ATP2B2: variants seen among roughly 807,000 people sequenced by gnomAD.
The protein encoded by ATP2B2 is ATPase plasma membrane Ca2+ transporting 2, also known as plasma membrane calcium-transporting ATPase 2.
ATP2B2 carries 15 observed loss-of-function variants against 120.0 expected under a neutral mutation model. That is an observed-to-expected ratio of 0.12 (90% CI 0.08 to 0.19). The LOEUF (loss-of-function observed/expected upper bound fraction) is 0.19, where lower values mean the gene tolerates loss of function less well. Ranked by LOEUF, ATP2B2 falls within the 10% of genes least tolerant of loss-of-function variation. ATP2B2 has a pLI of 1.00. For missense variants in ATP2B2, 1,045 were observed against 1,719.8 expected (o/e 0.61, Z 6.94); for synonymous variants, 694 against 700.3 (o/e 0.99, Z 0.14).
intron 2 of ATP2B2, among the ~76,000 whole-genome samples, chr3:10,605,957 T>A (rs2069053848): frequency 6.6e-6 from 1 of 151,588 alleles, no homozygotes; most frequent in Non-Finnish European, 1.5e-5. Flanking sequence ...CCCTCTACAT[T>A]TTTTTTTAAA....
At chr3:10,487,020 G>A (rs35720796) in intron 1 of ATP2B2, among the ~76,000 whole-genome samples, 12,647 of 152,150 alleles carry the variant, frequency 0.083, 654 homozygotes, top group Middle Eastern at 0.17. Flanking sequence ...GAGCCATTGC[G>A]CCCAGCCCCA....
chr3:10,384,644 C>T (rs780812762), intron 8 of ATP2B2, among the ~76,000 whole-genome samples: 8 of 152,174 alleles, frequency 5.3e-5, no homozygotes, highest in Non-Finnish European at 1.0e-4. Flanking sequence ...ACAAACGCTC[C>T]AGCACAGGCA....
At chr3:10,369,869 C>T (rs4684685) in intron 12 of ATP2B2, among the ~76,000 whole-genome samples, 93,102 of 152,046 alleles carry the variant, frequency 0.61, 29,334 homozygotes, top group East Asian at 0.99. Context: ...CCCACATCGA[C>T]GGCTGTCAGC....
chr3:10,451,750 G>A (rs714737), intron 1 of ATP2B2, among the ~76,000 whole-genome samples: 28,099 of 152,144 alleles, frequency 0.18, 2,831 homozygotes, highest in Admixed American at 0.26. Flanking sequence ...ACTCAAAAGA[G>A]GCCATGTTCC....
chr3:10,654,449 C>G (rs560158481), intron 1 of ATP2B2, among the ~76,000 whole-genome samples: 1 of 151,984 alleles, frequency 6.6e-6, no homozygotes, highest in East Asian at 1.9e-4. Context: ...GCTGAGCATC[C>G]GAGTGGATGA....
intron 2 of ATP2B2, among the ~76,000 whole-genome samples, chr3:10,563,679 A>G (rs1044416632): frequency 3.3e-5 from 5 of 152,262 alleles, no homozygotes; most frequent in African/African-American, 1.2e-4. Flanking sequence ...CTGAGCACCC[A>G]GTACTGTGCA....
chr3:10,434,249 G>A (rs927232635), intron 2 of ATP2B2, among the ~76,000 whole-genome samples: 9 of 152,206 alleles, frequency 5.9e-5, no homozygotes, highest in Non-Finnish European at 7.3e-5. Context: ...ATTAGCAGAC[G>A]GGGGAAAGAT....
chr3:10,415,357 G>C (rs1490908452), intron 2 of ATP2B2, among the ~76,000 whole-genome samples: 1 of 152,180 alleles, frequency 6.6e-6, no homozygotes, highest in African/African-American at 2.4e-5. Context: ...GGAAGACTTT[G>C]AACTGGCAGG....
At chr3:10,524,317 T>G (rs1397476056) in intron 3 of ATP2B2, among the ~76,000 whole-genome samples, 3 of 152,194 alleles carry the variant, frequency 2.0e-5, no homozygotes, top group Non-Finnish European at 4.4e-5. Flanking sequence ...CAGGTACAAT[T>G]CTAAGCACTA....
At chr3:10,595,961 A>C (rs530378358) in intron 2 of ATP2B2, among the ~76,000 whole-genome samples, 1 of 152,238 alleles carries the variant, frequency 6.6e-6, no homozygotes, top group Admixed American at 6.5e-5. Context: ...CACCACGTTC[A>C]TTCCCAACTT....
chr3:10,695,223 G>T (rs908742256), intron 1 of ATP2B2, among the ~76,000 whole-genome samples: 6 of 143,798 alleles, frequency 4.2e-5, no homozygotes, highest in Non-Finnish European at 9.0e-5. Context: ...ATCTTACATG[G>T]ATGGTAGCAG....
intron 2 of ATP2B2, among the ~76,000 whole-genome samples, chr3:10,593,420 C>G (rs1431605417): frequency 2.0e-5 from 3 of 152,194 alleles, no homozygotes; most frequent in South Asian, 4.1e-4. Context: ...CGGCCTAGAA[C>G]AGGCTGTCTC....
chr3:10,524,336 C>T (rs1169198042), intron 3 of ATP2B2, among the ~76,000 whole-genome samples: 1 of 152,220 alleles, frequency 6.6e-6, no homozygotes, highest in Non-Finnish European at 1.5e-5. Context: ...TATACCCACA[C>T]CAGGCAACTA....
At chr3:10,597,375 A>G (rs185345888) in intron 2 of ATP2B2, among the ~76,000 whole-genome samples, 15 of 151,914 alleles carry the variant, frequency 9.9e-5, no homozygotes, top group Non-Finnish European at 1.9e-4. Flanking sequence ...ACACAGAGGC[A>G]CATACACACA....
Position 10,343,063 on chromosome 3 carries a change from A to T in ATP2B2, c.2704-98T>A, listed in dbSNP as rs1420551270. The T allele has an allele frequency of 1.5e-6, 2 of 1,324,980 alleles. No individual in the cohort carries two copies. Among genetic ancestry groups the T allele is most frequent in the Non-Finnish European group, 2.1e-6 (2 of 938,532 alleles). 82.1% of individuals were successfully genotyped at this position (1,324,980 alleles called of 1,614,324 possible). On this transcript the variant is annotated intron_variant, in intron 18 of 22. Coordinates refer to ENST00000360273, the MANE Select transcript of ATP2B2 (RefSeq NM_001001331.4). This position sits in a 1 kb window ranked among gnomAD's most constrained non-coding sequence, Gnocchi z 4.2. ...TGTAGTGTCCGCAGGCTCCTGCTGG[A>T]GGCTGGAGTCCGACCTGCCCCTTGG...
chr3:10,607,893 C>T lies in ATP2B2; in HGVS notation c.-415+12024G>A, dbSNP rs78817752. Among the ~76,000 whole-genome samples the T allele has an allele frequency of 4.4e-3, 672 of 152,238 alleles. 16 individuals carry two copies. The East Asian group carries it at 0.05, about 11-fold the overall frequency. On this transcript the variant is annotated intron_variant, in intron 2 of 21. Coordinates refer to the ATP2B2 transcript ENST00000646379. Reference sequence around the variant, plus strand: ...GGGGTCTAGGGGGGTGATACTATATCGAAGTCAGGTCCCAGTGTGACCAGA... The same window carrying T: ...GGGGTCTAGGGGGGTGATACTATATTGAAGTCAGGTCCCAGTGTGACCAGA...
intron 14 of ATP2B2, among the ~76,000 whole-genome samples, chr3:10,357,934 G>A (rs1444508106): frequency 2.6e-5 from 4 of 152,212 alleles, no homozygotes; most frequent in Non-Finnish European, 5.9e-5. Flanking sequence ...GGCAGCTCCA[G>A]CACTGAGTTC....
intron 1 of ATP2B2, among the ~76,000 whole-genome samples, chr3:10,501,050 C>G (rs2066366137): frequency 6.6e-6 from 1 of 152,166 alleles, no homozygotes; most frequent in Non-Finnish European, 1.5e-5. Flanking sequence ...CTCTCCTGAC[C>G]CTCAGACCAA....
chr3:10,402,013 C>G lies in ATP2B2; in HGVS notation c.655+78G>C. 6.2e-7 allele frequency: 1 copy of G among 1,600,688 alleles called. No homozygotes were observed. The highest frequency in any genetic ancestry group is 8.5e-7 in the Non-Finnish European group (1 of 1,178,304). On this transcript the variant is annotated intron_variant, in intron 4 of 22. Coordinates refer to ENST00000360273, the MANE Select transcript of ATP2B2 (RefSeq NM_001001331.4). This position sits in a 1 kb window ranked among gnomAD's most constrained non-coding sequence, Gnocchi z 4.9. ...AATGCATCCCCTTCCTTGAGCCAAT[C>G]TCTTTGCATCAGCCTGGCCTGTCCC...
Sources: gnomAD v4.1 joint callset for allele counts (sites outside exome capture counted in the v4.1 genomes callset) on GRCh38, gnomAD v4.1.1 for gene constraint, Gnocchi (gnomAD v3.1) non-coding constraint, MANE v1.5 for transcripts, NCBI Gene and HGNC (gene_info 2026-07-23, HGNC 2026-07-21) for gene names.